Variants in NKX2-1 observed in about 807,000 individuals in gnomAD.
The protein encoded by NKX2-1 is homeobox protein Nkx-2.1.
Under a neutral mutation model 35.1 loss-of-function variants are expected in NKX2-1, and 9 were observed. That is an observed-to-expected ratio of 0.26 (90% confidence interval 0.15 to 0.45). NKX2-1 has a LOEUF of 0.45. Ranked by LOEUF, NKX2-1 falls within the 20% of genes least tolerant of loss-of-function variation. NKX2-1 has a pLI of 1.00. For missense variants in NKX2-1, 509 were observed against 589.1 expected, an observed-to-expected ratio of 0.86 and a Z score of 1.41; for synonymous variants, 284 against 269.9, an observed-to-expected ratio of 1.05 and a Z score of -0.51.
Position 36,517,986 on chromosome 14 carries a change from G to T in NKX2-1, c.498C>A (p.Asn166Lys). 5 of 1,599,130 alleles carry T rather than the reference G, an allele frequency of 3.1e-6. No homozygotes were observed. Among genetic ancestry groups the T allele is most frequent in the Non-Finnish European group, 4.2e-6 (5 of 1,179,736 alleles). ...AGCCCAGGCCGCCCATGCCGCTCAT[G>T]TTCATGCCGCTCGCCGGGCCCATGA... ...SRFMGPASGMNMSGMGGLGSL... is the reference protein window; with the variant it reads ...SRFMGPASGMKMSGMGGLGSL... The change falls in exon 3 of 3, where the codon AAC (asparagine) becomes AAA (lysine). Residue 166 changes from asparagine to lysine, a missense_variant. This residue lies in a region of NKX2-1 where 271 missense variants were observed against 284.1 expected (regional missense o/e 0.95). Transcript: ENST00000354822.
chr14:36,517,956 C>T lies in NKX2-1; in HGVS notation c.528G>A (p.Leu176=). ...NMSGMGGLGS[L]GDVSKNMAPL... ...GGGCCATGTTCTTGCTCACGTCCCC[C>T]AGCGAGCCCAGGCCGCCCATGCCGC... Residue 176 remains leucine, a synonymous_variant, in exon 3 of 3, where the codon CTG becomes CTA. Transcript: ENST00000354822. 6.2e-7 allele frequency: 1 copy of T among 1,601,318 alleles called. No individual in the cohort carries two copies. The highest frequency in any genetic ancestry group is 8.5e-7 in the Non-Finnish European group (1 of 1,179,732).
At position 36,517,503 on chromosome 14, in the gene NKX2-1, C is replaced by T. The variant is rs1026071267; in HGVS notation, c.981G>A (p.Ala327=). Residue 327 remains alanine (A), a synonymous_variant, in exon 3 of 3, where the codon GCG becomes GCA. Coordinates refer to ENST00000354822, the MANE Select transcript of NKX2-1 (RefSeq NM_001079668.3). The part of the protein sequence containing the change: ...QQQAQHQAQA[A]QAAAAAISVG... ...CGGAGATGGCCGCTGCCGCCGCCTG[C>T]GCGGCCTGCGCCTGGTGCTGCGCCT... The T allele has an allele frequency of 2.2e-6, 3 of 1,346,164 alleles. No homozygotes were observed. The highest frequency in any genetic ancestry group is 6.3e-5 in the East Asian group (2 of 31,836). 83.4% of individuals were successfully genotyped at this position (1,346,164 alleles called of 1,614,324 possible). A position where few individuals can be genotyped will look rare whatever the true frequency, so the allele number is the denominator to read the frequency against.
Position 36,520,161 on chromosome 14 carries a change from A to G in NKX2-1, c.-32T>C, listed in dbSNP as rs955469214. On this transcript the variant is annotated 5_prime_UTR_variant, in exon 1 of 3. Coordinates refer to ENST00000354822, the MANE Select transcript of NKX2-1 (RefSeq NM_001079668.3). ...TCGCTGCGCTGAGCCCCAGTCGCCA[A>G]CAAATGAGCGAGCGAGTCTGGGGAC... The G allele has an allele frequency of 3.7e-6, 6 of 1,611,412 alleles. No individual in the cohort carries two copies. The highest frequency in any genetic ancestry group is 5.1e-6 in the Non-Finnish European group (6 of 1,179,448).
Position 36,517,031 on chromosome 14 carries a change from A to G in NKX2-1, c.*247T>C, listed in dbSNP as rs1209137131. The G allele has an allele frequency of 8.5e-6, 6 of 706,320 alleles. No homozygotes were observed. The highest frequency in any genetic ancestry group is 1.3e-5 in the Non-Finnish European group (6 of 453,560). The allele number at this position is 706,320 out of a possible 1,614,324, so 43.8% of individuals were successfully genotyped here. ...CTTCTCTGCTTAAAGATTCCTTGAG[A>G]TTGGATGCGCTTGGTTGTTTTTCAT... On this transcript the variant is annotated 3_prime_UTR_variant, in exon 3 of 3. Coordinates refer to ENST00000354822, the MANE Select transcript of NKX2-1 (RefSeq NM_001079668.3).
chr14:36,518,035 C>T lies in NKX2-1; in HGVS notation c.464-15G>A, dbSNP rs370921485. On this transcript the variant is annotated splice_polypyrimidine_tract_variant and intron_variant, in intron 2 of 2. Coordinates refer to ENST00000354822, the MANE Select transcript of NKX2-1 (RefSeq NM_001079668.3). The stretch of plus-strand genomic sequence containing the variant: ...GAAGCGGGAGACTGTAAGCGACAAA[C>T]GCACAGCGTCGGCCGGGGCCAGGCC... 1.3e-5 allele frequency: 21 copies of T among 1,597,050 alleles called. No homozygotes were observed. In the African/African-American group the frequency reaches 2.3e-4, roughly 17 times the overall value.
Position 36,517,162 on chromosome 14 carries a change from G to A in NKX2-1, c.*116C>T. The A allele has an allele frequency of 6.7e-7, 1 of 1,493,102 alleles. No homozygotes were observed. The highest frequency in any genetic ancestry group is 9.0e-7 in the Non-Finnish European group (1 of 1,116,890). The allele number at this position is 1,493,102 out of a possible 1,614,324, so 92.5% of individuals were successfully genotyped here. ...TTTTTTGTTCCTTGGTCTAAACGCG[G>A]CCAGGTTGTTAAGAAAAGTCGAAGC... On this transcript the variant is annotated 3_prime_UTR_variant, in exon 3 of 3. Transcript: ENST00000354822.
At position 36,519,338 on chromosome 14, in the gene NKX2-1, T is replaced by G. The variant is rs1881229890; in HGVS notation, c.110A>C (p.His37Pro). The G allele has an allele frequency of 6.2e-7, 1 of 1,612,866 alleles. No individual in the cohort carries two copies. The highest frequency in any genetic ancestry group is 8.5e-7 in the Non-Finnish European group (1 of 1,179,998). ...RRRIMSMSPK[H>P]TTPFSVSDIL... ...GTCAGACACTGAGAACGGAGTCGTG[T>G]GCTTTGGACTCATCGACATGATTCG... Residue 37 changes from histidine to proline, a missense_variant, in exon 2 of 3, where the codon CAC becomes CCC. His to Pro is a moderately conservative substitution (Grantham distance 77). Coordinates refer to ENST00000354822, the MANE Select transcript of NKX2-1 (RefSeq NM_001079668.3).
chr14:36,518,270 C>T (rs1387700545), intron 2 of NKX2-1, among the ~76,000 whole-genome samples: 1 of 152,108 alleles, frequency 6.6e-6, no homozygotes, highest in African/African-American at 2.4e-5. Flanking sequence ...TCTCAGTTCC[C>T]TCTTTCGAAC....
Position 36,516,961 on chromosome 14 carries a change from C to G in NKX2-1, c.*317G>C. 2.4e-6 allele frequency: 1 copy of G among 420,084 alleles called. No homozygotes were observed. Among genetic ancestry groups the G allele is most frequent in the South Asian group, 2.8e-5 (1 of 35,152 alleles). The allele number at this position is 420,084 out of a possible 1,614,324, so 26.0% of individuals were successfully genotyped here. A position where few individuals can be genotyped will look rare whatever the true frequency, so the allele number is the denominator to read the frequency against. On this transcript the variant is annotated 3_prime_UTR_variant, in exon 3 of 3. Coordinates refer to ENST00000354822, the MANE Select transcript of NKX2-1 (RefSeq NM_001079668.3). ...TGTGCCCCGCCCTAGCGTGGAAAAC[C>G]CATTTGAATCACCAAAAAAAGACAC... is the stretch of plus-strand genomic sequence containing the variant.
In NKX2-1 at chr14:36,517,012, T is replaced by C; in HGVS notation, c.*266A>G. On this transcript the variant is annotated 3_prime_UTR_variant, in exon 3 of 3. Coordinates refer to ENST00000354822, the MANE Select transcript of NKX2-1 (RefSeq NM_001079668.3). Reference sequence around the variant, plus strand: ...CCCAAAGCTGTTTTATGCCCTTCTCTGCTTAAAGATTCCTTGAGATTGGAT... The same window carrying C: ...CCCAAAGCTGTTTTATGCCCTTCTCCGCTTAAAGATTCCTTGAGATTGGAT... The C allele has an allele frequency of 1.6e-6, 1 of 616,148 alleles. No homozygotes were observed. 38.2% of individuals were successfully genotyped at this position (616,148 alleles called of 1,614,324 possible). A position where few individuals can be genotyped will look rare whatever the true frequency, so the allele number is the denominator to read the frequency against.
At chr14:36,518,194 A>G (rs1881142052) in intron 2 of NKX2-1, among the ~76,000 whole-genome samples, 174 bp from the exon 3 acceptor site, 1 of 151,484 alleles carries the variant, frequency 6.6e-6, no homozygotes, top group African/African-American at 2.4e-5. Flanking sequence ...CGCCTGCCCC[A>G]GGCCGTACCG....
intron 1 of NKX2-1, chr14:36,519,836 G>A (rs1164704671): frequency 2.4e-6 from 3 of 1,272,250 alleles, no homozygotes; most frequent in Non-Finnish European, 3.2e-6. Context: ...AGGTGGAGGG[G>A]AGGGGAAGGA....
chr14:36,517,187 C>T lies in NKX2-1; in HGVS notation c.*91G>A. On this transcript the variant is annotated 3_prime_UTR_variant, in exon 3 of 3. Transcript: ENST00000354822. ...GCCAGGTTGTTAAGAAAAGTCGAAG[C>T]GCGTGGAGCAGCGGTGGATGGTGGT... 1 of 1,533,372 alleles carries T rather than the reference C, an allele frequency of 6.5e-7. No individual in the cohort carries two copies. The highest frequency in any genetic ancestry group is 2.5e-5 in the East Asian group (1 of 40,120). 95.0% of individuals were successfully genotyped at this position (1,533,372 alleles called of 1,614,324 possible).
rs1186621161 is a variant in NKX2-1 at position 36,517,444 on chromosome 14, G to C, written c.1040C>G (p.Pro347Arg). Residue 347 changes from proline (P) to arginine (R), a missense_variant, in exon 3 of 3, where the codon CCG (proline) becomes CGG (arginine). This residue lies in a region of NKX2-1 where 212 missense variants were observed against 227.7 expected (regional missense o/e 0.93). Coordinates refer to ENST00000354822, the MANE Select transcript of NKX2-1 (RefSeq NM_001079668.3). The stretch of plus-strand genomic sequence containing the variant: ...GCCTGCGCTGCCTGGCTGGTGGCCC[G>C]GGTGTGCGCCAAGGCCGGCGCCACC... ...GSGGAGLGAH[P>R]GHQPGSAGQS... 6.7e-7 allele frequency: 1 copy of C among 1,496,446 alleles called. No homozygotes were observed. Among genetic ancestry groups the C allele is most frequent in the Non-Finnish European group, 8.9e-7 (1 of 1,125,330 alleles). 92.7% of individuals were successfully genotyped at this position (1,496,446 alleles called of 1,614,324 possible). A position where few individuals can be genotyped will look rare whatever the true frequency, so the allele number is the denominator to read the frequency against.
intron 1 of NKX2-1, chr14:36,519,667 T>C (rs1881254341): frequency 2.0e-6 from 3 of 1,519,862 alleles, no homozygotes; most frequent in East Asian, 5.1e-5. Context: ...TTAGCTTACA[T>C]GCTGATGACA....
At chr14:36,518,133 C>G (rs1881136730) in intron 2 of NKX2-1, 113 bp from the exon 3 acceptor site, 1 of 1,446,768 alleles carries the variant, frequency 6.9e-7, no homozygotes, top group Non-Finnish European at 9.3e-7. Flanking sequence ...CCTCCTGACC[C>G]AGGCAGCCTA....
chr14:36,520,205 G>C lies in NKX2-1; in HGVS notation c.-76C>G. Reference sequence around the variant, plus strand: ...TGGGGACGAACCCTGGGGCCGCACTGTTGGTCTACGTGTCTGTCAGTCTGT... The same window carrying C: ...TGGGGACGAACCCTGGGGCCGCACTCTTGGTCTACGTGTCTGTCAGTCTGT... On this transcript the variant is annotated 5_prime_UTR_variant, in exon 1 of 3. Coordinates refer to ENST00000354822, the MANE Select transcript of NKX2-1 (RefSeq NM_001079668.3). 6.3e-7 allele frequency: 1 copy of C among 1,578,086 alleles called. No homozygotes were observed. The highest frequency in any genetic ancestry group is 8.6e-7 in the Non-Finnish European group (1 of 1,165,216).
At position 36,517,125 on chromosome 14, in the gene NKX2-1, G is replaced by A. The variant is rs1881060204; in HGVS notation, c.*153C>T. On this transcript the variant is annotated 3_prime_UTR_variant, in exon 3 of 3. Coordinates refer to ENST00000354822, the MANE Select transcript of NKX2-1 (RefSeq NM_001079668.3). ...AAAAAAGAAAGACGTCCAGCAGTTT[G>A]GCCTTTGTGGTTTTTTTGTTCCTTG... 7.5e-7 allele frequency: 1 copy of A among 1,326,014 alleles called. No individual in the cohort carries two copies. Among genetic ancestry groups the A allele is most frequent in the South Asian group, 1.6e-5 (1 of 63,342 alleles). The allele number at this position is 1,326,014 out of a possible 1,614,324, so 82.1% of individuals were successfully genotyped here.
chr14:36,519,569 C>A, intron 1 of NKX2-1, 199 bp from the exon 2 acceptor site: 2 of 1,534,390 alleles, frequency 1.3e-6, no homozygotes, highest in African/African-American at 2.7e-5. Flanking sequence ...TTGTTTTAGC[C>A]CGGCGCCAGG....
Sources: allele counts gnomAD v4.1 joint callset (sites outside exome capture counted in the v4.1 genomes callset), GRCh38; gene constraint gnomAD v4.1.1; regional missense constraint gnomAD v4.1.1; transcripts MANE v1.5; gene names NCBI Gene and HGNC (gene_info 2026-07-23, HGNC 2026-07-21).